INF2: variants seen among roughly 807,000 people sequenced by gnomAD.
INF2 encodes inverted formin-2.
INF2 carries 43 observed loss-of-function variants against 123.5 expected under a neutral mutation model. That is an observed-to-expected ratio of 0.35 (90% confidence interval 0.27 to 0.45). The LOEUF (loss-of-function observed/expected upper bound fraction) is 0.45, where lower values mean the gene tolerates loss of function less well. INF2 is among the 20% of genes least tolerant of loss of function. INF2 has a pLI of 1.00. For missense variants in INF2, 1,453 were observed against 1,682.7 expected (o/e 0.86, Z 2.39); for synonymous variants, 851 against 745.0 (o/e 1.14, Z -2.32).
chr14:104,710,010 G>A (rs1889970013), intron 12 of INF2, 78 bp from the exon 13 acceptor site: 1 of 1,261,026 alleles, frequency 7.9e-7, no homozygotes, highest in Admixed American at 2.0e-5. Context: ...ACCCAAGCCA[G>A]AGCCCTGTGC....
At position 104,689,677 on chromosome 14, in the gene INF2, C is replaced by T; in HGVS notation, c.-72C>T. 1.0e-6 allele frequency: 1 copy of T among 984,596 alleles called. No individual in the cohort carries two copies. Among genetic ancestry groups the T allele is most frequent in the Admixed American group, 6.2e-5 (1 of 16,214 alleles). The allele number at this position is 984,596 out of a possible 1,614,324, so 61.0% of individuals were successfully genotyped here. ...GCAGTGGGCGCCGGCTGCCCGCAGC[C>T]CCTGACCCGGCCCCGGACGGAGCGC... On this transcript the variant is annotated 5_prime_UTR_variant, in exon 1 of 23. Coordinates refer to ENST00000392634, the MANE Select transcript of INF2 (RefSeq NM_022489.4).
Position 104,710,176 on chromosome 14 carries a change from G to A in INF2, c.2227G>A (p.Ala743Thr). ...MVRPKAQLVL[A>T]ACESLLTSRQ... ...GCGGCCCAAGGCCCAGCTGGTGCTG[G>A]CTGCCTGCGAAAGTGAGTGGGGCCA... is the stretch of plus-strand genomic sequence containing the variant. The change falls in exon 13 of 23, where the codon GCT becomes ACT. Residue 743 changes from alanine to threonine, a missense_variant. Coordinates refer to ENST00000392634, the MANE Select transcript of INF2 (RefSeq NM_022489.4). The A allele has an allele frequency of 9.7e-6, 15 of 1,548,424 alleles. No homozygotes were observed. The highest frequency in any genetic ancestry group is 2.0e-5 in the Admixed American group (1 of 51,166).
rs754300643 is a variant in INF2, at chr14:104,712,869, G to C, written c.2652G>C (p.Glu884Asp). 6.2e-7 allele frequency: 1 copy of C among 1,612,660 alleles called. No individual in the cohort carries two copies. Among genetic ancestry groups the C allele is most frequent in the South Asian group, 1.1e-5 (1 of 91,084 alleles). Residue 884 changes from glutamate (E) to aspartate (D), a missense_variant, in exon 18 of 23, where the codon GAG becomes GAC. Glu to Asp is a conservative substitution (Grantham distance 45). Coordinates refer to ENST00000392634, the MANE Select transcript of INF2 (RefSeq NM_022489.4). ...SAFRALDELF[E>D]AIEQKQRELA... ...TCCGGGCACTGGATGAGCTGTTTGAGGCCATCGAGCAGAAGCAACGGGAGC... is the reference window on the plus strand; with the variant it reads ...TCCGGGCACTGGATGAGCTGTTTGACGCCATCGAGCAGAAGCAACGGGAGC...
At chr14:104,718,662 C>T in intron 22 of INF2, 133 bp from the exon 23 acceptor site, 2 of 1,484,964 alleles carry the variant, frequency 1.3e-6, no homozygotes, top group South Asian at 2.5e-5. Context: ...TCAGAGTGGA[C>T]CTGCGATGCA....
At position 104,696,081 on chromosome 14, in the gene INF2, C is replaced by T. The variant is rs571324970; in HGVS notation, c.-9-5276C>T. On this transcript the variant is annotated intron_variant, in intron 1 of 22. Transcript: ENST00000392634. ...TCGCACCCACCATGTGATTGAAATC[C>T]GTCACCATGCGGCCTGCTTCCCATC... Among the ~76,000 whole-genome samples, 280 of 152,274 alleles carry T rather than the reference C, an allele frequency of 1.8e-3. 1 individual carries two copies. Among genetic ancestry groups the T allele is most frequent in the African/African-American group, 5.1e-3 (210 of 41,524 alleles).
At chr14:104,700,057 C>T (rs958527520) in intron 1 of INF2, among the ~76,000 whole-genome samples, 1 of 152,110 alleles carries the variant, frequency 6.6e-6, no homozygotes, top group Non-Finnish European at 1.5e-5. Flanking sequence ...AGGACACTCT[C>T]CCAAGGCAGG....
intron 2 of INF2, among the ~76,000 whole-genome samples, chr14:104,702,375 C>T (rs1029056441): frequency 3.3e-5 from 5 of 152,238 alleles, no homozygotes; most frequent in Non-Finnish European, 5.9e-5. Flanking sequence ...GGTCCTGCGC[C>T]GCTAAGCCTT....
chr14:104,707,280 T>C lies in INF2; in HGVS notation c.1013T>C (p.Val338Ala). 6.2e-7 allele frequency: 1 copy of C among 1,609,742 alleles called. No homozygotes were observed. The highest frequency in any genetic ancestry group is 1.3e-5 in the African/African-American group (1 of 74,892). The change falls in exon 8 of 23, where the codon GTT (valine) becomes GCT (alanine). Residue 338 changes from valine to alanine, a missense_variant. By Grantham distance (64) the Val-to-Ala change is moderately conservative (BLOSUM62 0). Around this residue, in one of 8 missense-constraint regions of INF2, gnomAD observed 374 missense variants for 303.7 expected, o/e 1.23. Transcript: ENST00000392634. ...CAGGAATGCACCCTGGAGGAAGTGG[T>C]TGAGCGGCTCCTGTCTGTCAAGGGG... ...DAQECTLEEV[V>A]ERLLSVKGRP...
At chr14:104,710,616 C>T in intron 13 of INF2, 1 of 522,826 alleles carries the variant, frequency 1.9e-6, no homozygotes, top group Non-Finnish European at 3.5e-6. Context: ...CATACATGTA[C>T]AGACATAAGT....
At chr14:104,695,782 G>A (rs980878533) in intron 1 of INF2, among the ~76,000 whole-genome samples, 3 of 151,898 alleles carry the variant, frequency 2.0e-5, no homozygotes, top group Non-Finnish European at 2.9e-5. Flanking sequence ...CCTGGCTCCC[G>A]GGCCAGTGGT....
intron 13 of INF2, 60 bp from the exon 14 acceptor site, chr14:104,710,877 G>T (rs556133055): frequency 6.7e-7 from 1 of 1,489,782 alleles, no homozygotes; most frequent in Non-Finnish European, 9.3e-7. Flanking sequence ...ACACCCCACC[G>T]CCAGGGCATC....
chr14:104,715,601 G>C (rs550549776), intron 22 of INF2: 5 of 602,058 alleles, frequency 8.3e-6, no homozygotes, highest in Admixed American at 2.7e-5. Flanking sequence ...TGCGGGCCTC[G>C]AGAGGGCAGG....
chr14:104,706,415 G>A lies in INF2; in HGVS notation c.843+239G>A, dbSNP rs75458917. Reference sequence around the variant, plus strand: ...GGCTGGGCCCTGGGGGCAAAGCCAGGGCCACAGGACCCAGAAGGACGGGGC... The same window carrying A: ...GGCTGGGCCCTGGGGGCAAAGCCAGAGCCACAGGACCCAGAAGGACGGGGC... On this transcript the variant is annotated intron_variant, in intron 6 of 22. Coordinates refer to ENST00000392634, the MANE Select transcript of INF2 (RefSeq NM_022489.4). Among the ~76,000 whole-genome samples the A allele has an allele frequency of 0.072, 11,028 of 152,252 alleles. 1,138 individuals carry two copies. Among genetic ancestry groups the A allele is most frequent in the African/African-American group, 0.23 (9,619 of 41,522 alleles).
At chr14:104,710,583 C>A (rs1261080825) in intron 13 of INF2, 1 of 492,250 alleles carries the variant, frequency 2.0e-6, no homozygotes, top group Non-Finnish European at 3.7e-6. Flanking sequence ...CACGTACACA[C>A]CCCCCCAACA....
Position 104,714,464 on chromosome 14 carries a change from G to T in INF2, c.3302G>T (p.Trp1101Leu), listed in dbSNP as rs1890199066. The T allele has an allele frequency of 8.7e-6, 14 of 1,612,120 alleles. No individual in the cohort carries two copies. The highest frequency in any genetic ancestry group is 1.2e-5 in the Non-Finnish European group (14 of 1,179,614). Reference sequence around the variant, plus strand: ...TGCCCCCAGCCCTTGGAGGGGGCCTGGCCGGTGACTCTGGGAGATGCTCAG... The same window carrying T: ...TGCCCCCAGCCCTTGGAGGGGGCCTTGCCGGTGACTCTGGGAGATGCTCAG... ...PQCPQPLEGA[W>L]PVTLGDAQAL... The change falls in exon 21 of 23, where the codon TGG (tryptophan) becomes TTG (leucine). Residue 1101 changes from tryptophan (W) to leucine (L), a missense_variant. Transcript: ENST00000392634.
At chr14:104,693,705 T>A (rs1889058781) in intron 1 of INF2, among the ~76,000 whole-genome samples, 1 of 152,214 alleles carries the variant, frequency 6.6e-6, no homozygotes, top group Admixed American at 6.5e-5. Flanking sequence ...TGAGCTGTCC[T>A]GGCCCTCGCC....
upstream of INF2, chr14:104,689,614 G>GCCCCC: frequency 2.5e-6 from 1 of 403,628 alleles, no homozygotes; most frequent in Non-Finnish European, 3.3e-6. Flanking sequence ...CCCGCCCCGC[G>GCCCCC]CCCGCCAGGA....
chr14:104,713,730 C>T (rs1890162703), intron 20 of INF2, 124 bp downstream of exon 20: 3 of 1,104,392 alleles, frequency 2.7e-6, no homozygotes, highest in Admixed American at 4.7e-5. Context: ...CTGGAGGCCC[C>T]TAAGACTGGG....
chr14:104,705,666 C>T (rs963260610), intron 5 of INF2, among the ~76,000 whole-genome samples: 8 of 152,314 alleles, frequency 5.3e-5, no homozygotes, highest in East Asian at 3.9e-4. Flanking sequence ...AGTCACGCAG[C>T]GCCCAGGGGA....
Sources: gnomAD v4.1 joint callset for allele counts (sites outside exome capture counted in the v4.1 genomes callset) on GRCh38, gnomAD v4.1.1 for gene constraint, gnomAD v4.1.1 regional missense constraint, MANE v1.5 for transcripts, NCBI Gene and HGNC (gene_info 2026-07-23, HGNC 2026-07-21) for gene names.